Variants in DOCK1 observed in about 807,000 individuals in gnomAD.
DOCK1 encodes the protein dedicator of cytokinesis protein 1.
DOCK1 carries 138 observed loss-of-function variants against 262.7 expected under a neutral mutation model. That is an observed-to-expected ratio of 0.53 (90% CI 0.46 to 0.61). The LOEUF (loss-of-function observed/expected upper bound fraction) is 0.61. DOCK1 is among the 20% of genes least tolerant of loss of function. The pLI is 0.00. For synonymous variants in DOCK1, 866 were observed against 867.4 expected (o/e 1.00, Z 0.03); for missense variants, 1,908 against 2,370.7 (o/e 0.80, Z 4.05).
At chr10:127,087,496 C>T (rs1414514485) in intron 23 of DOCK1, among the ~76,000 whole-genome samples, 1 of 151,916 alleles carries the variant, frequency 6.6e-6, no homozygotes, top group Non-Finnish European at 1.5e-5. Flanking sequence ...GAGTGTTGGT[C>T]CCCGGAGCCT....
intron 29 of DOCK1, among the ~76,000 whole-genome samples, chr10:127,307,521 G>C (rs1021589493): frequency 6.6e-6 from 1 of 152,198 alleles, no homozygotes; most frequent in African/African-American, 2.4e-5. Context: ...GCTGCAGGCT[G>C]CCTCATTTCT....
At chr10:127,370,790 T>A (rs1261376092) in intron 33 of DOCK1, among the ~76,000 whole-genome samples, 2 of 152,186 alleles carry the variant, frequency 1.3e-5, no homozygotes, top group East Asian at 3.9e-4. Context: ...GGCCTTCTAT[T>A]CATAAGTGTT....
At chr10:127,193,878 G>C (rs902549676) in intron 27 of DOCK1, among the ~76,000 whole-genome samples, 3 of 152,196 alleles carry the variant, frequency 2.0e-5, no homozygotes, top group African/African-American at 4.8e-5. Flanking sequence ...GCCTCCCATA[G>C]AGCTTGCAGA....
intron 27 of DOCK1, among the ~76,000 whole-genome samples, chr10:127,151,386 C>G (rs988014754): frequency 1.3e-5 from 2 of 152,100 alleles, no homozygotes; most frequent in African/African-American, 4.8e-5. Context: ...GTCCTGGGAC[C>G]AAAAGCCTTC....
chr10:126,999,353 G>A lies in DOCK1; in HGVS notation c.768-1G>A. On this transcript the variant is annotated splice_acceptor_variant, in intron 8 of 51. Coordinates refer to ENST00000623213, the MANE Select transcript of DOCK1 (RefSeq NM_001290223.2). LOFTEE classifies it high-confidence loss of function. ...TTGCTTTTATTTCTCCATTTTTCAA[G>A]TGAGAACTACCTGGTTCGCTGGTCC... The A allele has an allele frequency of 6.2e-7, 1 of 1,611,622 alleles. No individual in the cohort carries two copies. Among genetic ancestry groups the A allele is most frequent in the Non-Finnish European group, 8.5e-7 (1 of 1,178,936 alleles).
chr10:127,040,201 A>G (rs2043928160), intron 19 of DOCK1, among the ~76,000 whole-genome samples: 1 of 152,234 alleles, frequency 6.6e-6, no homozygotes, highest in Non-Finnish European at 1.5e-5. Flanking sequence ...GACCTTCGCA[A>G]AGAATCTACA....
intron 1 of DOCK1, among the ~76,000 whole-genome samples, chr10:126,940,993 A>G (rs2134248971): frequency 6.6e-6 from 1 of 152,394 alleles, no homozygotes; most frequent in East Asian, 1.9e-4. Context: ...GAAAGCAAAC[A>G]GATGGATAAA....
chr10:126,958,935 G>A (rs1245124027), intron 1 of DOCK1, among the ~76,000 whole-genome samples: 1 of 152,172 alleles, frequency 6.6e-6, no homozygotes, highest in African/African-American at 2.4e-5. Context: ...CCAGGCGGTC[G>A]GGGTGCAGCT....
intron 27 of DOCK1, among the ~76,000 whole-genome samples, chr10:127,230,773 GT>G (rs779499172): frequency 7.0e-6 from 1 of 142,770 alleles, no homozygotes; most frequent in Admixed American, 7.0e-5. Context: ...TTTGTTTTTT[GT>G]TTTTTTGTTT....
chr10:126,961,129 G>A (rs899310830), intron 1 of DOCK1, among the ~76,000 whole-genome samples: 4 of 152,082 alleles, frequency 2.6e-5, no homozygotes, highest in Non-Finnish European at 5.9e-5. Context: ...AGCTAGCTCT[G>A]TTTCCTTAAT....
chr10:127,061,536 C>T, intron 22 of DOCK1, 132 bp from the exon 23 acceptor site: 1 of 761,910 alleles, frequency 1.3e-6, no homozygotes, highest in Non-Finnish European at 2.2e-6. Flanking sequence ...TTCCTTGCTT[C>T]ATAGATGTTG....
At position 127,437,358 on chromosome 10, in the gene DOCK1, G is replaced by A. The variant is rs146327933; in HGVS notation, c.5061-1669G>A. 2.4e-3 allele frequency among the ~76,000 whole-genome samples: 364 copies of A among 152,274 alleles called. 3 individuals are homozygous for A. The highest frequency in any genetic ancestry group is 8.2e-3 in the African/African-American group (341 of 41,558). On this transcript the variant is annotated intron_variant, in intron 48 of 51. Coordinates refer to ENST00000623213, the MANE Select transcript of DOCK1 (RefSeq NM_001290223.2). The surrounding 1 kb of genome is among the most constrained non-coding windows in gnomAD (Gnocchi z 4.4). ...GTCTGCATCTTCAGCAGATTTAAGC[G>A]CAGTTTTGCAAATGATCCTTCCCTT...
At chr10:127,096,314 G>T (rs1175457730) in intron 23 of DOCK1, among the ~76,000 whole-genome samples, 1 of 152,066 alleles carries the variant, frequency 6.6e-6, no homozygotes, top group African/African-American at 2.4e-5. Context: ...GCACCAATTG[G>T]CAGAACTGGT....
At chr10:127,008,982 T>C (rs181834958) in intron 11 of DOCK1, among the ~76,000 whole-genome samples, 178 bp downstream of exon 11, 2 of 152,342 alleles carry the variant, frequency 1.3e-5, no homozygotes, top group South Asian at 2.1e-4. Context: ...ATAAGAATCC[T>C]GGGTCAAAGT....
chr10:126,915,541 C>T (rs2032376546), intron 1 of DOCK1, among the ~76,000 whole-genome samples: 1 of 152,176 alleles, frequency 6.6e-6, no homozygotes, highest in East Asian at 1.9e-4. Context: ...GCCTCAGCCT[C>T]CCAAGTAGCT....
intron 23 of DOCK1, among the ~76,000 whole-genome samples, chr10:127,092,807 C>T (rs955431812): frequency 6.6e-6 from 1 of 152,150 alleles, no homozygotes; most frequent in African/African-American, 2.4e-5. Flanking sequence ...TTACAATTTA[C>T]AAAGGTATTG....
At chr10:127,258,011 C>G (rs902348998) in intron 29 of DOCK1, among the ~76,000 whole-genome samples, 1 of 152,116 alleles carries the variant, frequency 6.6e-6, no homozygotes, top group Non-Finnish European at 1.5e-5. Context: ...TTCTGTTCAT[C>G]TCTGTTTTTC....
At chr10:127,373,405 T>G (rs1292930377) in intron 33 of DOCK1, among the ~76,000 whole-genome samples, 2 of 152,194 alleles carry the variant, frequency 1.3e-5, no homozygotes, top group Non-Finnish European at 2.9e-5. Flanking sequence ...ATCTGTTCAT[T>G]TCAGGAACCA....
rs1018858754 is a variant in DOCK1 at position 127,135,038 on chromosome 10, G to C, written c.2847+7274G>C. Among the ~76,000 whole-genome samples, 3 of 152,308 alleles carry C rather than the reference G, an allele frequency of 2.0e-5. No individual in the cohort carries two copies. In the East Asian group the frequency reaches 5.8e-4, roughly 29 times the overall value. ...TGCTCAATGGAAGATCTAGAGAGAA[G>C]CTACCTCCCCTGGGCCATGGAGGCA... is the stretch of plus-strand genomic sequence containing the variant. On this transcript the variant is annotated intron_variant, in intron 27 of 51. Transcript: ENST00000623213.
Sources: gnomAD v4.1 joint callset for allele counts (sites outside exome capture counted in the v4.1 genomes callset) on GRCh38, gnomAD v4.1.1 for gene constraint, Gnocchi (gnomAD v3.1) non-coding constraint, MANE v1.5 for transcripts, NCBI Gene and HGNC (gene_info 2026-07-23, HGNC 2026-07-21) for gene names.